KCNH8: variants seen among roughly 807,000 people sequenced by gnomAD.
KCNH8 encodes voltage-gated delayed rectifier potassium channel KCNH8.
KCNH8 carries 70 observed loss-of-function variants against 103.6 expected under a neutral mutation model. The ratio of observed to expected loss-of-function variants is 0.68; its 90% CI spans 0.56 to 0.82. The LOEUF (loss-of-function observed/expected upper bound fraction) is 0.82, where lower values mean the gene tolerates loss of function less well. Among genes scored for constraint, KCNH8 ranks in the 40% least tolerant of loss-of-function variants. KCNH8 has a pLI of 0.00. For missense variants in KCNH8, 1,217 were observed against 1,329.9 expected (o/e 0.92, Z 1.32); for synonymous variants, 498 against 489.4 (o/e 1.02, Z -0.23).
intron 11 of KCNH8, among the ~76,000 whole-genome samples, chr3:19,505,635 T>C (rs186993899): frequency 6.6e-6 from 1 of 152,238 alleles, no homozygotes; most frequent in Non-Finnish European, 1.5e-5. Context: ...GATGATTATG[T>C]GTCTTGGGGA....
chr3:19,472,231 T>C (rs914911319), intron 11 of KCNH8, among the ~76,000 whole-genome samples: 11 of 149,532 alleles, frequency 7.4e-5, no homozygotes, highest in African/African-American at 2.8e-4. Flanking sequence ...TGTGTGTGTG[T>C]GTGTGTGTGT....
At chr3:19,219,808 C>T (rs530745707) in intron 1 of KCNH8, among the ~76,000 whole-genome samples, 3 of 152,180 alleles carry the variant, frequency 2.0e-5, no homozygotes, top group African/African-American at 4.8e-5. Context: ...ACTTAGCATG[C>T]GGAGAAGCAA....
chr3:19,282,715 G>A (rs571701808), intron 3 of KCNH8, among the ~76,000 whole-genome samples: 16 of 152,164 alleles, frequency 1.1e-4, no homozygotes, highest in African/African-American at 3.9e-4. Flanking sequence ...TCTCGTGTTA[G>A]GGGAGAAATC....
At chr3:19,244,905 A>G (rs1203783788) in intron 1 of KCNH8, among the ~76,000 whole-genome samples, 1 of 152,066 alleles carries the variant, frequency 6.6e-6, no homozygotes, top group Non-Finnish European at 1.5e-5. Flanking sequence ...AGCTTCTTTC[A>G]TTCTGCAGGT....
At chr3:19,160,743 T>C (rs1359561948) in intron 1 of KCNH8, among the ~76,000 whole-genome samples, 1 of 152,114 alleles carries the variant, frequency 6.6e-6, no homozygotes, top group African/African-American at 2.4e-5. Context: ...GCTATCCCAC[T>C]CCATCCCACC....
intron 1 of KCNH8, among the ~76,000 whole-genome samples, chr3:19,245,131 G>T (rs956901280): frequency 1.3e-5 from 2 of 152,088 alleles, no homozygotes; most frequent in Non-Finnish European, 2.9e-5. Flanking sequence ...GTTAACTTTT[G>T]TATATGGTGA....
chr3:19,247,829 A>G (rs1396307986), intron 1 of KCNH8, among the ~76,000 whole-genome samples: 1 of 152,216 alleles, frequency 6.6e-6, no homozygotes, highest in Non-Finnish European at 1.5e-5. Context: ...GGGATCTGCC[A>G]TATGGAGAAT....
At chr3:19,308,787 C>CCT (rs57001260) in intron 3 of KCNH8, among the ~76,000 whole-genome samples, 4,935 of 36,852 alleles carry the variant, frequency 0.13, 1,523 homozygotes, top group African/African-American at 0.34. Flanking sequence ...TCTCTCTCTC[C>CCT]CTCTCTCTCT....
chr3:19,300,735 T>C (rs1413400709), intron 3 of KCNH8, among the ~76,000 whole-genome samples: 1 of 152,086 alleles, frequency 6.6e-6, no homozygotes, highest in Non-Finnish European at 1.5e-5. Context: ...TTTTGGTTGA[T>C]GGTTTTTAAA....
In KCNH8 at chr3:19,513,044, G is replaced by C; in HGVS notation, c.2154G>C (p.Glu718Asp). ...SIVEDEEEEEEGEEEEAVSLS... is the reference protein window; with the variant it reads ...SIVEDEEEEEDGEEEEAVSLS... Reference sequence around the variant, plus strand: ...TGGAAGATGAGGAAGAGGAGGAGGAGGGGGAGGAAGAGGAGGCAGTCTCCC... The same window carrying C: ...TGGAAGATGAGGAAGAGGAGGAGGACGGGGAGGAAGAGGAGGCAGTCTCCC... The change falls in exon 13 of 16, where the codon GAG becomes GAC. Residue 718 changes from glutamate to aspartate, a missense_variant. By Grantham distance (45) the Glu-to-Asp change is conservative (BLOSUM62 2). Coordinates refer to ENST00000328405, the MANE Select transcript of KCNH8 (RefSeq NM_144633.3). The C allele has an allele frequency of 6.2e-7, 1 of 1,613,664 alleles. No homozygotes were observed. The highest frequency in any genetic ancestry group is 8.5e-7 in the Non-Finnish European group (1 of 1,179,808).
intron 2 of KCNH8, among the ~76,000 whole-genome samples, chr3:19,258,955 A>C (rs867099636): frequency 0.012 from 1,315 of 106,602 alleles, 1 homozygote; most frequent in African/African-American, 0.021. Context: ...CTCTATATAT[A>C]TATATATATA....
rs949360326 is a variant in KCNH8 at position 19,534,258 on chromosome 3, TG to T, written c.*160del. 1.8e-5 allele frequency: 11 copies of T among 608,044 alleles called. No individual in the cohort carries two copies. In the African/African-American group the frequency reaches 2.0e-4, roughly 11 times the overall value. The allele number at this position is 608,044 out of a possible 1,614,324, so 37.7% of individuals were successfully genotyped here. On this transcript the variant is annotated 3_prime_UTR_variant, in exon 16 of 16. Coordinates refer to ENST00000328405, the MANE Select transcript of KCNH8 (RefSeq NM_144633.3). ...GGGAAAGGCAGAACCACCTCCATGCTGTAGCAAACAATTTCTAGATACTAGA... is the reference window on the plus strand; with the variant it reads ...GGGAAAGGCAGAACCACCTCCATGCTTAGCAAACAATTTCTAGATACTAGA...
At chr3:19,235,264 A>G (rs889442982) in intron 1 of KCNH8, among the ~76,000 whole-genome samples, 3 of 152,170 alleles carry the variant, frequency 2.0e-5, no homozygotes, top group African/African-American at 7.2e-5. Flanking sequence ...GTTCATCGGG[A>G]GGGGGTAACT....
Position 19,283,438 on chromosome 3 carries a change from C to T in KCNH8, c.442+2109C>T, listed in dbSNP as rs917469223. 2.6e-5 allele frequency among the ~76,000 whole-genome samples: 4 copies of T among 152,166 alleles called. 1 individual carries two copies. Among genetic ancestry groups the T allele is most frequent in the Admixed American group, 2.0e-4 (3 of 15,264 alleles). On this transcript the variant is annotated intron_variant, in intron 3 of 15. Coordinates refer to ENST00000328405, the MANE Select transcript of KCNH8 (RefSeq NM_144633.3). ...CACTTTTAACATTAATTATATTGTG[C>T]AAAATATGATTTAATTTTTTGAAAT... is the stretch of plus-strand genomic sequence containing the variant.
chr3:19,298,010 G>C (rs897758222), intron 3 of KCNH8, among the ~76,000 whole-genome samples: 2 of 152,168 alleles, frequency 1.3e-5, no homozygotes, highest in African/African-American at 4.8e-5. Flanking sequence ...TCTCCATGGT[G>C]ACTATCACTC....
chr3:19,399,139 T>C (rs1443033824), intron 7 of KCNH8, among the ~76,000 whole-genome samples: 1 of 151,954 alleles, frequency 6.6e-6, no homozygotes, highest in Non-Finnish European at 1.5e-5. Context: ...GGAATTTAGA[T>C]ATAGTGCTTC....
intron 1 of KCNH8, among the ~76,000 whole-genome samples, chr3:19,212,565 G>C (rs2063781334): frequency 6.6e-6 from 1 of 152,054 alleles, no homozygotes; most frequent in African/African-American, 2.4e-5. Context: ...ATGTCTCAAG[G>C]CATCTAGCAC....
At chr3:19,394,506 AGC>A (rs889265182) in intron 6 of KCNH8, among the ~76,000 whole-genome samples, 4 of 150,090 alleles carry the variant, frequency 2.7e-5, no homozygotes, top group Middle Eastern at 3.2e-3. Context: ...AGAGAGAGAG[AGC>A]GAGCTTCAGG....
intron 5 of KCNH8, 128 bp from the exon 6 acceptor site, chr3:19,390,353 C>G: frequency 1.5e-6 from 1 of 649,052 alleles, no homozygotes; most frequent in Non-Finnish European, 2.6e-6. Flanking sequence ...GATTTTCTTC[C>G]TCCCTTCCTT....
Sources: gnomAD v4.1 joint callset for allele counts (sites outside exome capture counted in the v4.1 genomes callset) on GRCh38, gnomAD v4.1.1 for gene constraint, MANE v1.5 for transcripts, NCBI Gene and HGNC (gene_info 2026-07-23, HGNC 2026-07-21) for gene names.